CISTR: variants seen among roughly 807,000 people sequenced by gnomAD.
CISTR encodes the protein chondrogenic regulator lncRNA.
At position 53,751,178 on chromosome 12, in the gene CISTR, G is replaced by GAC. The variant is rs142323592; in HGVS notation, n.415-215_415-214dup. 9.2e-5 allele frequency among the ~76,000 whole-genome samples: 14 copies of GAC among 151,684 alleles called. No individual in the cohort carries two copies. The highest frequency in any genetic ancestry group is 3.3e-4 in the Admixed American group (5 of 15,238). On this transcript the variant is annotated intron_variant and non_coding_transcript_variant, in intron 1 of 2. Coordinates refer to ENST00000669269, the Ensembl canonical transcript of CISTR. The surrounding 1 kb of genome is among the most constrained non-coding windows in gnomAD (Gnocchi z 4.6). ...GGCCCACAGGCCTCCGCACGCACAG[G>GAC]ACACACACACACACTCTCTCCTGGC...
intron 2 of CISTR, among the ~76,000 whole-genome samples, chr12:53,748,293 G>A (rs544126325): frequency 6.6e-6 from 1 of 152,174 alleles, no homozygotes; most frequent in African/African-American, 2.4e-5. Context: ...AGCCCTCCGC[G>A]CCAGCGCCCC....
intron 2 of CISTR, among the ~76,000 whole-genome samples, chr12:53,749,308 GTATA>G (rs935742177): frequency 6.0e-4 from 56 of 93,094 alleles, no homozygotes; most frequent in South Asian, 3.2e-4. Flanking sequence ...GTGTGTGTGT[GTATA>G]TATATATATA....
chr12:53,748,305 C>T (rs577409844), intron 2 of CISTR, among the ~76,000 whole-genome samples: 3 of 152,220 alleles, frequency 2.0e-5, no homozygotes, highest in Admixed American at 2.0e-4. Context: ...CAGCGCCCCC[C>T]CAACTCCATC....
At chr12:53,753,089 C>CAG (rs3222078) in intron 1 of CISTR, among the ~76,000 whole-genome samples, 28 of 80,506 alleles carry the variant, frequency 3.5e-4, no homozygotes, top group Admixed American at 2.3e-3. Flanking sequence ...CACACACACA[C>CAG]AGAGAGAGAC....
At chr12:53,755,548 A>G (rs1454637132) in intron 1 of CISTR, among the ~76,000 whole-genome samples, 1 of 152,108 alleles carries the variant, frequency 6.6e-6, no homozygotes, top group African/African-American at 2.4e-5. Flanking sequence ...GGGAGGGGAA[A>G]GTAAAAGATG....
chr12:53,754,930 C>G (rs1008441285), intron 1 of CISTR, among the ~76,000 whole-genome samples: 2 of 152,070 alleles, frequency 1.3e-5, no homozygotes, highest in Non-Finnish European at 2.9e-5. Context: ...TTCTCACATC[C>G]CAGAGAGCAA....
In CISTR at chr12:53,751,914, C is replaced by T. The variant is rs1368729567; in HGVS notation, n.415-949G>A. On this transcript the variant is annotated intron_variant and non_coding_transcript_variant, in intron 1 of 2. Transcript: ENST00000669269. The surrounding 1 kb of genome is among the most constrained non-coding windows in gnomAD (Gnocchi z 4.6). ...TCCTTGCGGCTGACTCCAGCTCCCC[C>T]TCGGTGCCCGTAACCCTCCTTTCCT... The T allele has an allele frequency of 1.3e-5, 2 of 153,340 alleles. No homozygotes were observed. Among genetic ancestry groups the T allele is most frequent in the African/African-American group, 4.8e-5 (2 of 41,452 alleles). The allele number at this position is 153,340 out of a possible 1,614,324, so 9.5% of individuals were successfully genotyped here. A position where few individuals can be genotyped will look rare whatever the true frequency, so the allele number is the denominator to read the frequency against.
rs1937910394 is a variant in CISTR at position 53,756,005 on chromosome 12, CAG to C, written n.414+807_414+808del. 2 of 152,220 alleles carry C rather than the reference CAG, an allele frequency of 1.3e-5. No individual in the cohort carries two copies. Among genetic ancestry groups the C allele is most frequent in the Admixed American group, 1.3e-4 (2 of 15,280 alleles). 9.4% of individuals were successfully genotyped at this position (152,220 alleles called of 1,614,324 possible). ...TCCTAAGTGTCTTACTAATTACAAA[CAG>C]AGAAAGCCTGGTCTGTGAAGTTAGC... On this transcript the variant is annotated intron_variant and non_coding_transcript_variant, in intron 1 of 2. Coordinates refer to ENST00000669269, the Ensembl canonical transcript of CISTR. This position sits in a 1 kb window ranked among gnomAD's most constrained non-coding sequence, Gnocchi z 4.0.
intron 2 of CISTR, among the ~76,000 whole-genome samples, chr12:53,748,593 A>C (rs1332851361): frequency 1.3e-5 from 2 of 152,184 alleles, no homozygotes. Flanking sequence ...GAAGACTCAC[A>C]CAAGGCCAGA....
chr12:53,747,899 T>C (rs1230380474), intron 2 of CISTR, among the ~76,000 whole-genome samples: 3 of 152,110 alleles, frequency 2.0e-5, no homozygotes, highest in South Asian at 2.1e-4. Context: ...TGGAGACAAC[T>C]CTCCCAAGCA....
At chr12:53,750,245 G>A (rs1937831447) in intron 2 of CISTR, among the ~76,000 whole-genome samples, 1 of 152,192 alleles carries the variant, frequency 6.6e-6, no homozygotes, top group Admixed American at 6.5e-5. Flanking sequence ...TGCTAGGAGT[G>A]GGGGAGTTAG....
Position 53,751,061 on chromosome 12 carries a change from C to G in CISTR, n.415-96G>C, listed in dbSNP as rs991348127. The stretch of plus-strand genomic sequence containing the variant: ...GCAGCCAAAGGGACGGACACTCACA[C>G]ACACACACACGCACACACTCACTCC... On this transcript the variant is annotated intron_variant and non_coding_transcript_variant, in intron 1 of 2. Coordinates refer to ENST00000669269, the Ensembl canonical transcript of CISTR. The surrounding 1 kb of genome is among the most constrained non-coding windows in gnomAD (Gnocchi z 4.6). 7 of 152,884 alleles carry G rather than the reference C, an allele frequency of 4.6e-5. No homozygotes were observed. The highest frequency in any genetic ancestry group is 8.8e-5 in the Non-Finnish European group (6 of 68,340). The allele number at this position is 152,884 out of a possible 1,614,324, so 9.5% of individuals were successfully genotyped here.
intron 1 of CISTR, among the ~76,000 whole-genome samples, chr12:53,752,071 C>A (rs918980665): frequency 6.6e-6 from 1 of 152,094 alleles, no homozygotes; most frequent in Non-Finnish European, 1.5e-5. Flanking sequence ...GTAGACTCTG[C>A]AGCCGGGCTC....
intron 1 of CISTR, chr12:53,754,421 T>A (rs143663212): frequency 6.6e-6 from 1 of 152,098 alleles, no homozygotes; most frequent in African/African-American, 2.4e-5. Context: ...GGCTCTAAAA[T>A]TGGCTGCTTC....
chr12:53,753,473 G>A (rs1485230787), intron 1 of CISTR, among the ~76,000 whole-genome samples: 1 of 152,204 alleles, frequency 6.6e-6, no homozygotes, highest in Admixed American at 6.5e-5. Flanking sequence ...ACAAGAAAGG[G>A]TGGAGGAAGA....
At chr12:53,754,345 G>A (rs1937891513) in intron 1 of CISTR, 8 of 152,164 alleles carry the variant, frequency 5.3e-5, no homozygotes, top group Admixed American at 5.2e-4. Context: ...GTTGAAAAGG[G>A]CATGAGGAAG....
intron 2 of CISTR, among the ~76,000 whole-genome samples, chr12:53,750,251 G>A (rs1381501704): frequency 6.6e-6 from 1 of 152,204 alleles, no homozygotes; most frequent in Non-Finnish European, 1.5e-5. Context: ...GAGTGGGGGA[G>A]TTAGAGAGGT....
At chr12:53,748,705 G>A (rs1269355287) in intron 2 of CISTR, among the ~76,000 whole-genome samples, 2 of 152,166 alleles carry the variant, frequency 1.3e-5, no homozygotes, top group African/African-American at 4.8e-5. Context: ...CGAGCCAAAG[G>A]CACACTGACC....
exon 3 of CISTR, among the ~76,000 whole-genome samples, chr12:53,746,843 C>T (rs995821401): frequency 6.6e-6 from 1 of 152,204 alleles, no homozygotes; most frequent in Non-Finnish European, 1.5e-5. Context: ...CCGCGTTCCT[C>T]GCCCCCTGGT....
Sources: allele counts gnomAD v4.1 joint callset (sites outside exome capture counted in the v4.1 genomes callset), GRCh38; gene constraint gnomAD v4.1.1; non-coding constraint Gnocchi (gnomAD v3.1); transcripts MANE v1.5; gene names NCBI Gene and HGNC (gene_info 2026-07-23, HGNC 2026-07-21).